The following TTC34 variants were observed in gnomAD, a reference collection of about 807,000 sequenced individuals.
TTC34 encodes the protein tetratricopeptide repeat domain 34, also known as tetratricopeptide repeat protein 34.
Under a neutral mutation model 40.7 loss-of-function variants are expected in TTC34, and 44 were observed. The observed-to-expected ratio is 1.08, with a 90% confidence interval of 0.85 to 1.39. The LOEUF is 1.39. Among genes scored for constraint, TTC34 ranks in the 40% most tolerant of loss-of-function variants. The probability of loss-of-function intolerance (pLI) is 0.00; values close to 1 mark genes in which losing one functional copy is unlikely to be tolerated. For synonymous variants in TTC34, 422 were observed against 398.6 expected, an observed-to-expected ratio of 1.06 and a Z score of -0.70; for missense variants, 884 against 838.0, an observed-to-expected ratio of 1.05 and a Z score of -0.68.
intron 6 of TTC34, among the ~76,000 whole-genome samples, chr1:2,688,289 T>C (rs137976603): frequency 0.12 from 3,705 of 30,418 alleles, no homozygotes; most frequent in African/African-American, 0.16. Context: ...GCACCCACAC[T>C]CCCAGGCGAG....
At chr1:2,641,325 T>G in exon 9 of TTC34, 2 of 1,454,470 alleles carry the variant, frequency 1.4e-6, no homozygotes, top group Non-Finnish European at 1.8e-6. Flanking sequence ...GTGCAGATGC[T>G]AGGGTGGCCC....
chr1:2,640,348 C>A (rs1638876267), exon 9 of TTC34: 1 of 152,250 alleles, frequency 6.6e-6, no homozygotes, highest in Admixed American at 6.5e-5. Flanking sequence ...AGCTCACTGG[C>A]AGCTGCAAGG....
intron 2 of TTC34, among the ~76,000 whole-genome samples, chr1:2,793,438 T>C (rs187769300): frequency 6.6e-6 from 1 of 152,366 alleles, no homozygotes; most frequent in African/African-American, 2.4e-5. Context: ...TTGTGGATCG[T>C]CTTTATTTTC....
At position 2,687,296 on chromosome 1, in the gene TTC34, C is replaced by A. The variant is rs529981600; in HGVS notation, c.2227-41733G>T. On this transcript the variant is annotated intron_variant, in intron 6 of 8. Coordinates refer to ENST00000401095, the Ensembl canonical transcript of TTC34. ...AGCAGCACCCACAACCACAGGTGAG[C>A]ATCTGACATCGTGGAACAGCACCCC... 4.5e-5 allele frequency among the ~76,000 whole-genome samples: 6 copies of A among 132,684 alleles called. No homozygotes were observed. In the East Asian group the frequency reaches 7.1e-4, roughly 16 times the overall value. 87.0% of individuals were successfully genotyped at this position (132,684 alleles called of 152,430 possible).
chr1:2,648,747 A>G (rs1018433038), intron 6 of TTC34, among the ~76,000 whole-genome samples: 2 of 147,786 alleles, frequency 1.4e-5, no homozygotes, highest in Admixed American at 1.3e-4. Flanking sequence ...AGCACCGCAC[A>G]CTCCCAGGTG....
At chr1:2,759,584 G>T (rs1641623632) in intron 6 of TTC34, among the ~76,000 whole-genome samples, 2 of 152,024 alleles carry the variant, frequency 1.3e-5, no homozygotes, top group African/African-American at 2.4e-5. Flanking sequence ...GGACAGCCTG[G>T]AACAGCACCC....
At chr1:2,767,641 C>T (rs1185414026) in intron 6 of TTC34, among the ~76,000 whole-genome samples, 5 of 101,752 alleles carry the variant, frequency 4.9e-5, no homozygotes, top group Middle Eastern at 4.3e-3. Context: ...ATGACATCCT[C>T]ACATCCAGGT....
chr1:2,800,808 A>T (rs1643764743), exon 2 of TTC34: 1 of 398,402 alleles, frequency 2.5e-6, no homozygotes, highest in African/African-American at 2.1e-5. Context: ...GCAGGCCACG[A>T]GCTCCTGGGC....
At chr1:2,785,316 C>CACCCCAGGAGATCCCTGT (rs57511628) in intron 5 of TTC34, among the ~76,000 whole-genome samples, 1 of 152,152 alleles carries the variant, frequency 6.6e-6, no homozygotes, top group East Asian at 1.9e-4. Flanking sequence ...GAGATCCCTG[C>CACCCCAGGAGATCCCTGT]GAGTCCTGGG....
At chr1:2,692,471 T>G (rs1327263926) in intron 6 of TTC34, among the ~76,000 whole-genome samples, 1 of 86,206 alleles carries the variant, frequency 1.2e-5, no homozygotes, top group Non-Finnish European at 2.6e-5. Flanking sequence ...CACCCCCAGG[T>G]GAGCATCTGA....
At chr1:2,641,889 C>A in exon 9 of TTC34, 1 of 1,481,368 alleles carries the variant, frequency 6.8e-7, no homozygotes, top group East Asian at 2.5e-5. Context: ...GCTTCCTGGG[C>A]CGCCGCCTGC....
chr1:2,654,874 G>T (rs1387436022), intron 6 of TTC34, among the ~76,000 whole-genome samples: 73 of 149,898 alleles, frequency 4.9e-4, no homozygotes, highest in African/African-American at 1.8e-3. Flanking sequence ...GGATCAGACA[G>T]CCTGGAGCAG....
chr1:2,761,402 A>C, intron 6 of TTC34, among the ~76,000 whole-genome samples: 1 of 53,010 alleles, frequency 1.9e-5, no homozygotes, highest in Non-Finnish European at 3.1e-5. Flanking sequence ...CAGCACCTAC[A>C]CCCCCAGGTG....
At chr1:2,778,308 C>T (rs553002810) in intron 6 of TTC34, among the ~76,000 whole-genome samples, 1 of 152,364 alleles carries the variant, frequency 6.6e-6, no homozygotes, top group East Asian at 1.9e-4. Context: ...CCAATTTCAA[C>T]ACTGCTCTTG....
intron 6 of TTC34, among the ~76,000 whole-genome samples, chr1:2,685,202 C>A (rs796445429): frequency 1.9e-5 from 2 of 106,604 alleles, no homozygotes; most frequent in East Asian, 2.7e-4. Context: ...CCCACACCCC[C>A]AGGTGAGCAT....
exon 9 of TTC34, chr1:2,638,809 C>A (rs756558757): frequency 2.0e-5 from 3 of 152,344 alleles, no homozygotes; most frequent in African/African-American, 4.8e-5. Flanking sequence ...GGAACCGAGA[C>A]TCACCCACTG....
chr1:2,687,664 A>T (rs1263509025), intron 6 of TTC34, among the ~76,000 whole-genome samples: 1 of 151,838 alleles, frequency 6.6e-6, no homozygotes, highest in African/African-American at 2.4e-5. Flanking sequence ...TGAGCATCTG[A>T]CAGGCTGGAG....
intron 6 of TTC34, among the ~76,000 whole-genome samples, chr1:2,657,429 G>C: frequency 1.1e-5 from 1 of 88,332 alleles, no homozygotes. Flanking sequence ...ACCCCCAGGC[G>C]AGCATCTGAA....
At position 2,645,242 on chromosome 1, in the gene TTC34, C is replaced by T. The variant is rs1171332659; in HGVS notation, c.2497+51G>A. ...GAACAGGATACAGAGGTCAGAGGAG[C>T]GGGGACAGAAGCCCAGACCCCGTGT... On this transcript the variant is annotated intron_variant, in intron 7 of 8. Transcript: ENST00000401095. This position sits in a 1 kb window ranked among gnomAD's most constrained non-coding sequence, Gnocchi z 4.7. 3.2e-5 allele frequency: 46 copies of T among 1,430,850 alleles called. No homozygotes were observed. Among genetic ancestry groups the T allele is most frequent in the East Asian group, 2.3e-4 (9 of 39,428 alleles). The allele number at this position is 1,430,850 out of a possible 1,614,324, so 88.6% of individuals were successfully genotyped here.
Sources: gnomAD v4.1 joint callset for allele counts (sites outside exome capture counted in the v4.1 genomes callset) on GRCh38, gnomAD v4.1.1 for gene constraint, Gnocchi (gnomAD v3.1) non-coding constraint, MANE v1.5 for transcripts, NCBI Gene and HGNC (gene_info 2026-07-23, HGNC 2026-07-21) for gene names.